The following CEP112 variants were observed in gnomAD, a reference collection of about 807,000 sequenced individuals.
CEP112 encodes the protein centrosomal protein 112, also known as centrosomal protein of 112 kDa.
CEP112 carries 127 observed loss-of-function variants against 153.0 expected under a neutral mutation model. That is an observed-to-expected ratio of 0.83 (90% CI 0.72 to 0.96). CEP112 has a LOEUF of 0.96. CEP112 is among the 40% of genes least tolerant of loss of function. The probability of loss-of-function intolerance (pLI) is 0.00; values close to 1 mark genes in which losing one functional copy is unlikely to be tolerated. For missense variants in CEP112, 1,089 were observed against 1,101.2 expected (o/e 0.99, Z 0.16); for synonymous variants, 358 against 374.4 (o/e 0.96, Z 0.51).
At chr17:66,163,450 CAATT>C (rs760849095) in intron 4 of CEP112, among the ~76,000 whole-genome samples, 7 of 151,676 alleles carry the variant, frequency 4.6e-5, no homozygotes, top group Non-Finnish European at 8.8e-5. Flanking sequence ...AAATAAATAA[CAATT>C]AATAATCCAG....
intron 23 of CEP112, among the ~76,000 whole-genome samples, chr17:65,711,029 G>T (rs144231353): frequency 1.7e-4 from 26 of 152,338 alleles, no homozygotes; most frequent in African/African-American, 6.3e-4. Context: ...TGGCTCGTTG[G>T]TGGCGACGAG....
chr17:66,051,589 G>A (rs528885278), intron 12 of CEP112, among the ~76,000 whole-genome samples: 2 of 152,194 alleles, frequency 1.3e-5, no homozygotes, highest in East Asian at 3.9e-4. Flanking sequence ...AAACAACTGT[G>A]CATACCACTT....
chr17:65,782,214 C>T (rs2054035374), intron 21 of CEP112, among the ~76,000 whole-genome samples: 1 of 151,990 alleles, frequency 6.6e-6, no homozygotes, highest in South Asian at 2.1e-4. Flanking sequence ...CAAAAGAAGA[C>T]ATACAAGTGG....
Position 66,070,852 on chromosome 17 carries a change from T to C in CEP112, c.769-851A>G, listed in dbSNP as rs9899574. 6.2e-3 allele frequency among the ~76,000 whole-genome samples: 945 copies of C among 152,232 alleles called. 9 individuals are homozygous for C. Among genetic ancestry groups the C allele is most frequent in the African/African-American group, 0.022 (906 of 41,532 alleles). ...TCCAACTCTAATTCCAATCCCACCA[T>C]ATATGCACTGTTGTGACTTTGAGCA... On this transcript the variant is annotated intron_variant, in intron 8 of 26. Transcript: ENST00000535342.
intron 20 of CEP112, among the ~76,000 whole-genome samples, chr17:65,893,004 A>G (rs2059527137): frequency 6.6e-6 from 1 of 152,114 alleles, no homozygotes; most frequent in African/African-American, 2.4e-5. Context: ...ACTTAAGATG[A>G]ATGAATCACC....
At chr17:65,763,563 G>A (rs2052744083) in intron 21 of CEP112, among the ~76,000 whole-genome samples, 1 of 151,242 alleles carries the variant, frequency 6.6e-6, no homozygotes, top group South Asian at 2.1e-4. Flanking sequence ...ATATCCTCAA[G>A]CTCAGATATT....
At chr17:66,130,894 T>C (rs968667244) in intron 5 of CEP112, among the ~76,000 whole-genome samples, 1 of 151,652 alleles carries the variant, frequency 6.6e-6, no homozygotes, top group Non-Finnish European at 1.5e-5. Context: ...CAGCCCCAGA[T>C]GAAAACTATA....
chr17:65,782,419 A>C (rs1399641966), intron 21 of CEP112, among the ~76,000 whole-genome samples: 1 of 152,214 alleles, frequency 6.6e-6, no homozygotes, highest in African/African-American at 2.4e-5. Flanking sequence ...GACACTGTGG[A>C]AAGCAGTTTG....
At chr17:65,706,463 G>A (rs1844052784) in intron 23 of CEP112, among the ~76,000 whole-genome samples, 2 of 152,190 alleles carry the variant, frequency 1.3e-5, no homozygotes, top group Admixed American at 1.3e-4. Context: ...CACTTAACTT[G>A]GTGAAAAGGA....
intron 20 of CEP112, among the ~76,000 whole-genome samples, chr17:65,899,347 A>G (rs2059768485): frequency 6.6e-6 from 1 of 152,126 alleles, no homozygotes; most frequent in African/African-American, 2.4e-5. Context: ...TCAAAATATA[A>G]TATATCCTGC....
intron 17 of CEP112, among the ~76,000 whole-genome samples, chr17:65,962,487 G>A (rs1010933474): frequency 1.3e-5 from 2 of 152,142 alleles, no homozygotes; most frequent in African/African-American, 4.8e-5. Flanking sequence ...AGGAATCTTT[G>A]CATGTTGATA....
intron 24 of CEP112, among the ~76,000 whole-genome samples, chr17:65,679,563 T>C (rs552519383): frequency 8.5e-5 from 13 of 152,204 alleles, no homozygotes; most frequent in Admixed American, 2.6e-4. Flanking sequence ...AAATCCTTTA[T>C]GGAAAATGAA....
chr17:65,906,814 C>A (rs1001381531), intron 19 of CEP112, among the ~76,000 whole-genome samples: 2 of 152,136 alleles, frequency 1.3e-5, no homozygotes, highest in African/African-American at 4.8e-5. Flanking sequence ...ACATTTTGCT[C>A]AGGAAGCTGA....
At chr17:65,970,416 T>C (rs1018889083) in intron 17 of CEP112, among the ~76,000 whole-genome samples, 2 of 139,832 alleles carry the variant, frequency 1.4e-5, no homozygotes, top group Non-Finnish European at 3.1e-5. Flanking sequence ...ATCATGCATG[T>C]ATATTACATG....
intron 20 of CEP112, among the ~76,000 whole-genome samples, chr17:65,882,184 G>A (rs1296669968): frequency 2.0e-5 from 3 of 152,236 alleles, no homozygotes. Flanking sequence ...CCTCCCTTCT[G>A]CCTGCTGCCT....
intron 17 of CEP112, among the ~76,000 whole-genome samples, chr17:65,963,658 T>G (rs971549960): frequency 8.8e-5 from 13 of 147,070 alleles, no homozygotes; most frequent in African/African-American, 3.4e-4. Flanking sequence ...TCGATATAGA[T>G]ATAGATATAG....
rs552667891 is a variant in CEP112, at chr17:65,835,560, T to A, written c.2394+16244A>T. Among the ~76,000 whole-genome samples, 3 of 152,066 alleles carry A rather than the reference T, an allele frequency of 2.0e-5. No individual in the cohort carries two copies. In the East Asian group the frequency reaches 5.8e-4, roughly 29 times the overall value. ...AGAGAGTAGGATGCTATATTCCAAG[T>A]TTAGGGGTTGGGGGTGGAAAGGAGA... On this transcript the variant is annotated intron_variant, in intron 21 of 26. Coordinates refer to ENST00000535342, the MANE Select transcript of CEP112 (RefSeq NM_001199165.4).
intron 4 of CEP112, among the ~76,000 whole-genome samples, chr17:66,167,327 G>A (rs1243743878): frequency 6.6e-5 from 10 of 151,958 alleles, no homozygotes; most frequent in South Asian, 2.1e-4. Context: ...GGTGGTAGCC[G>A]CAGCTAACAC....
chr17:65,949,238 T>C (rs918686087), intron 18 of CEP112, among the ~76,000 whole-genome samples: 5 of 152,246 alleles, frequency 3.3e-5, no homozygotes, highest in African/African-American at 7.2e-5. Flanking sequence ...AGCCTAGCTA[T>C]AAGGATTATG....
Sources: allele counts gnomAD v4.1 joint callset (sites outside exome capture counted in the v4.1 genomes callset), GRCh38; gene constraint gnomAD v4.1.1; transcripts MANE v1.5; gene names NCBI Gene and HGNC (gene_info 2026-07-23, HGNC 2026-07-21).